LRRTM4: variants seen among roughly 807,000 people sequenced by gnomAD.
LRRTM4 encodes leucine rich repeat transmembrane neuronal 4.
Under a neutral mutation model 47.6 loss-of-function variants are expected in LRRTM4, and 25 were observed. The observed-to-expected ratio is 0.53, with a 90% CI of 0.38 to 0.73. The LOEUF (loss-of-function observed/expected upper bound fraction) is 0.73, where lower values mean the gene tolerates loss of function less well. Ranked by LOEUF, LRRTM4 falls within the 30% of genes least tolerant of loss-of-function variation. LRRTM4 has a pLI of 0.00. For synonymous variants in LRRTM4, 311 were observed against 269.5 expected (o/e 1.15, Z -1.51); for missense variants, 638 against 713.4 (o/e 0.89, Z 1.20).
intron 3 of LRRTM4, among the ~76,000 whole-genome samples, chr2:76,858,562 T>G (rs1672224427): frequency 6.6e-6 from 1 of 152,174 alleles, no homozygotes; most frequent in African/African-American, 2.4e-5. Flanking sequence ...TATCCAATTT[T>G]GAAGGGTACT....
intron 3 of LRRTM4, among the ~76,000 whole-genome samples, chr2:76,872,787 A>G (rs1672662666): frequency 1.3e-5 from 2 of 152,086 alleles, no homozygotes; most frequent in Admixed American, 6.6e-5. Context: ...ACCCTCCTGA[A>G]TAGCTTGGTG....
chr2:76,968,275 A>C (rs1402981597), intron 3 of LRRTM4, among the ~76,000 whole-genome samples: 1 of 146,792 alleles, frequency 6.8e-6, no homozygotes, highest in Non-Finnish European at 1.5e-5. Context: ...CAAATCTGGC[A>C]ATGAGTCTAA....
intron 3 of LRRTM4, among the ~76,000 whole-genome samples, chr2:76,931,113 C>A (rs909398712): frequency 6.7e-6 from 1 of 150,348 alleles, no homozygotes; most frequent in African/African-American, 2.5e-5. Flanking sequence ...GGAACAAAAG[C>A]AATGAGAAAG....
intron 3 of LRRTM4, among the ~76,000 whole-genome samples, chr2:76,810,545 G>A (rs936098861): frequency 2.6e-5 from 4 of 152,240 alleles, no homozygotes; most frequent in African/African-American, 4.8e-5. Context: ...TAAACAGCCT[G>A]CTGCATAGTG....
intron 3 of LRRTM4, among the ~76,000 whole-genome samples, chr2:77,449,212 TTACATTAAGAAATCCAAACAAC>T (rs1676163921): frequency 6.6e-6 from 1 of 152,202 alleles, no homozygotes; most frequent in Non-Finnish European, 1.5e-5. Flanking sequence ...AACTTTTATT[TTACATTAAGAAATCCAAACAAC>T]ATATAAATCT....
At chr2:77,090,147 C>G (rs1274697111) in intron 3 of LRRTM4, among the ~76,000 whole-genome samples, 2 of 152,172 alleles carry the variant, frequency 1.3e-5, no homozygotes, top group Non-Finnish European at 2.9e-5. Flanking sequence ...CCTCCTCACA[C>G]CTGGTCTGGC....
At chr2:77,088,400 T>C (rs1323518219) in intron 3 of LRRTM4, among the ~76,000 whole-genome samples, 3 of 152,166 alleles carry the variant, frequency 2.0e-5, no homozygotes, top group Non-Finnish European at 4.4e-5. Context: ...CCTTAAGTGA[T>C]GACATTACCT....
At chr2:77,178,992 T>C (rs1673276805) in intron 3 of LRRTM4, among the ~76,000 whole-genome samples, 1 of 152,198 alleles carries the variant, frequency 6.6e-6, no homozygotes, top group Non-Finnish European at 1.5e-5. Flanking sequence ...ATGTAGATAA[T>C]ATCTATGGAT....
At chr2:76,931,238 C>T (rs947467951) in intron 3 of LRRTM4, among the ~76,000 whole-genome samples, 3 of 152,026 alleles carry the variant, frequency 2.0e-5, no homozygotes, top group African/African-American at 7.3e-5. Flanking sequence ...ACAAGAAAGT[C>T]ATTAAACAGA....
intron 3 of LRRTM4, among the ~76,000 whole-genome samples, chr2:76,944,368 C>T (rs902406240): frequency 4.6e-5 from 7 of 152,008 alleles, no homozygotes; most frequent in Non-Finnish European, 1.0e-4. Flanking sequence ...TATCCCAGCA[C>T]CAAAAAACAC....
At chr2:77,243,178 C>T (rs1382885534) in intron 3 of LRRTM4, among the ~76,000 whole-genome samples, 2 of 151,932 alleles carry the variant, frequency 1.3e-5, no homozygotes, top group African/African-American at 2.4e-5. Context: ...TTTGGGAGGC[C>T]GAGGCGGGTG....
intron 3 of LRRTM4, among the ~76,000 whole-genome samples, chr2:77,370,814 G>A (rs961955260): frequency 4.0e-5 from 6 of 151,618 alleles, no homozygotes; most frequent in African/African-American, 1.2e-4. Flanking sequence ...TGCATTCGCC[G>A]AGTGCCTCTT....
At chr2:77,349,874 T>C (rs1164286679) in intron 3 of LRRTM4, among the ~76,000 whole-genome samples, 9 of 152,172 alleles carry the variant, frequency 5.9e-5, no homozygotes, top group Non-Finnish European at 1.3e-4. Context: ...GCTAGTTAGC[T>C]AGCTAGGAGA....
At chr2:76,762,401 C>CT (rs1211356341) in intron 3 of LRRTM4, among the ~76,000 whole-genome samples, 2 of 152,040 alleles carry the variant, frequency 1.3e-5, no homozygotes, top group African/African-American at 4.8e-5. Flanking sequence ...TTGCCCTAAT[C>CT]TTTTTTCTGC....
At chr2:76,839,898 T>C (rs980231764) in intron 3 of LRRTM4, among the ~76,000 whole-genome samples, 2 of 152,088 alleles carry the variant, frequency 1.3e-5, no homozygotes, top group Non-Finnish European at 2.9e-5. Context: ...TATTGGGAAA[T>C]TCTTGTTATA....
intron 3 of LRRTM4, among the ~76,000 whole-genome samples, chr2:77,297,478 C>T (rs187454708): frequency 6.6e-6 from 1 of 152,150 alleles, no homozygotes; most frequent in South Asian, 2.1e-4. Context: ...AGAGGAAAGA[C>T]AGAAGTACAC....
intron 3 of LRRTM4, among the ~76,000 whole-genome samples, chr2:76,992,840 A>AAG (rs70939839): frequency 0.27 from 38,944 of 146,212 alleles, 5,444 homozygotes; most frequent in East Asian, 0.38. Context: ...AAAAAAAAAA[A>AAG]GCTGGGTGTA....
intron 3 of LRRTM4, among the ~76,000 whole-genome samples, chr2:77,444,698 T>C (rs1285801753): frequency 1.3e-5 from 2 of 152,052 alleles, no homozygotes; most frequent in African/African-American, 4.8e-5. Flanking sequence ...TGATAATTAC[T>C]AAACTCAAAA....
chr2:77,215,147 T>G (rs567559916), intron 3 of LRRTM4, among the ~76,000 whole-genome samples: 8 of 152,264 alleles, frequency 5.3e-5, no homozygotes, highest in Non-Finnish European at 1.2e-4. Context: ...TTTCTTCATT[T>G]AACAATATGA....
Sources: allele counts gnomAD v4.1 joint callset (sites outside exome capture counted in the v4.1 genomes callset), GRCh38; gene constraint gnomAD v4.1.1; transcripts MANE v1.5; gene names NCBI Gene and HGNC (gene_info 2026-07-23, HGNC 2026-07-21).